The following FSTL4 variants were observed in gnomAD, a reference collection of about 807,000 sequenced individuals.
The protein encoded by FSTL4 is follistatin like 4, also known as follistatin-related protein 4.
A neutral mutation model predicts 78.2 loss-of-function variants in FSTL4; 28 were observed. The ratio of observed to expected loss-of-function variants is 0.36; its 90% CI spans 0.27 to 0.49. The LOEUF is 0.49. FSTL4 is among the 20% of genes least tolerant of loss of function. The pLI is 0.98. For missense variants in FSTL4, 922 were observed against 1,084.9 expected, an observed-to-expected ratio of 0.85 and a Z score of 2.11; for synonymous variants, 422 against 440.5, an observed-to-expected ratio of 0.96 and a Z score of 0.53.
At chr5:133,653,542 C>A in the FSTL4 span, among the ~76,000 whole-genome samples, 9 of 152,152 alleles carry the variant, frequency 5.9e-5, no homozygotes, top group African/African-American at 2.2e-4. Context: ...TCTGCATCTT[C>A]GGCAGGAAAT....
chr5:133,253,615 T>A (rs1324486448), intron 6 of FSTL4, among the ~76,000 whole-genome samples: 1 of 152,160 alleles, frequency 6.6e-6, no homozygotes, highest in Admixed American at 6.5e-5. Flanking sequence ...CAAGTCCCAC[T>A]AAGGCTTCCC....
At chr5:133,514,301 G>A (rs558590584) in intron 3 of FSTL4, among the ~76,000 whole-genome samples, 3 of 151,924 alleles carry the variant, frequency 2.0e-5, no homozygotes, top group African/African-American at 7.2e-5. Context: ...TGAATCAAAG[G>A]CTCGAGAGAA....
At chr5:133,431,127 C>G (rs2126995962) in intron 3 of FSTL4, among the ~76,000 whole-genome samples, 1 of 152,292 alleles carries the variant, frequency 6.6e-6, no homozygotes, top group Admixed American at 6.5e-5. Flanking sequence ...CCCCCATTCC[C>G]CCAGCAGACA....
chr5:133,589,286 T>TA (rs113649317), intron 2 of FSTL4, among the ~76,000 whole-genome samples: 47,836 of 80,328 alleles, frequency 0.6, 15,216 homozygotes, highest in South Asian at 0.72. Flanking sequence ...TAGAGTATAA[T>TA]AAAAAAAAAA....
intron 3 of FSTL4, among the ~76,000 whole-genome samples, chr5:133,530,426 A>G (rs1759227432): frequency 6.6e-6 from 1 of 152,236 alleles, no homozygotes; most frequent in African/African-American, 2.4e-5. Context: ...ACAATGGAGC[A>G]GTTCTCAGGG....
chr5:133,803,765 C>A, the FSTL4 span, among the ~76,000 whole-genome samples: 1 of 152,202 alleles, frequency 6.6e-6, no homozygotes, highest in Non-Finnish European at 1.5e-5. Context: ...GACCCTCATG[C>A]CAAACTGTCT....
chr5:133,370,358 C>T (rs1755267979), intron 4 of FSTL4, among the ~76,000 whole-genome samples: 1 of 152,054 alleles, frequency 6.6e-6, no homozygotes, highest in East Asian at 1.9e-4. Flanking sequence ...TGCCTGCAGG[C>T]CAGCCTCTCT....
At chr5:133,444,261 G>A (rs1026206987) in intron 3 of FSTL4, among the ~76,000 whole-genome samples, 1 of 152,164 alleles carries the variant, frequency 6.6e-6, no homozygotes, top group Non-Finnish European at 1.5e-5. Context: ...GGGAGGATTC[G>A]CCCTCCAGAC....
chr5:133,306,326 A>T (rs1753654742), intron 6 of FSTL4, among the ~76,000 whole-genome samples: 1 of 152,216 alleles, frequency 6.6e-6, no homozygotes, highest in Non-Finnish European at 1.5e-5. Flanking sequence ...TCCTCTGCAT[A>T]CGTGGCTGCC....
At chr5:133,818,152 C>T in the FSTL4 span, among the ~76,000 whole-genome samples, 1 of 152,218 alleles carries the variant, frequency 6.6e-6, no homozygotes, top group African/African-American at 2.4e-5. Context: ...GGGGATGAAT[C>T]ACATCTTACC....
At position 133,316,368 on chromosome 5, in the gene FSTL4, GA is replaced by G. The variant is rs1331550838; in HGVS notation, c.603+90del. The G allele has an allele frequency of 3.1e-6, 3 of 967,002 alleles. No individual in the cohort carries two copies. The African/African-American group carries it at 4.8e-5, about 16-fold the overall frequency. 59.9% of individuals were successfully genotyped at this position (967,002 alleles called of 1,614,324 possible). ...TTTGTGAGATGTTCTCAGAGGTATT[GA>G]ACACATGCTCTTAGACACCAGGGGG... is the stretch of plus-strand genomic sequence containing the variant. On this transcript the variant is annotated intron_variant, in intron 5 of 15. Transcript: ENST00000265342.
At chr5:133,464,562 C>T (rs1401299961) in intron 3 of FSTL4, among the ~76,000 whole-genome samples, 2 of 152,186 alleles carry the variant, frequency 1.3e-5, no homozygotes, top group African/African-American at 4.8e-5. Flanking sequence ...TCCTGTGGCA[C>T]AAGCAACTCT....
intron 3 of FSTL4, among the ~76,000 whole-genome samples, chr5:133,565,038 C>T (rs1552918): frequency 0.29 from 43,372 of 152,088 alleles, 6,276 homozygotes; most frequent in Admixed American, 0.36. Flanking sequence ...ATAAGGCAAA[C>T]CAAAACAGGA....
At chr5:133,217,138 A>G in intron 13 of FSTL4, 91 bp downstream of exon 13, 2 of 1,019,618 alleles carry the variant, frequency 2.0e-6, no homozygotes, top group East Asian at 2.4e-5. Context: ...CACCTGGCAC[A>G]GGAGCTGGGG....
intron 14 of FSTL4, among the ~76,000 whole-genome samples, chr5:133,206,045 TAC>T (rs1407280974): frequency 6.6e-6 from 1 of 152,236 alleles, no homozygotes; most frequent in Admixed American, 6.5e-5. Flanking sequence ...GAGATTAGTC[TAC>T]AGTTTTATTT....
intron 4 of FSTL4, among the ~76,000 whole-genome samples, chr5:133,325,557 C>T (rs534467666): frequency 6.6e-6 from 1 of 151,866 alleles, no homozygotes; most frequent in South Asian, 2.1e-4. Context: ...GGGAAGGGGG[C>T]GTGGACCTAG....
At chr5:133,571,063 C>T (rs1240788172) in intron 2 of FSTL4, among the ~76,000 whole-genome samples, 1 of 149,458 alleles carries the variant, frequency 6.7e-6, no homozygotes, top group African/African-American at 2.5e-5. Context: ...ACATAAAGGG[C>T]AAAAGGCTGA....
the FSTL4 span, among the ~76,000 whole-genome samples, chr5:133,715,758 C>T: frequency 6.6e-6 from 1 of 152,176 alleles, no homozygotes; most frequent in Non-Finnish European, 1.5e-5. Flanking sequence ...CCCTACTTCA[C>T]ATCGTGGAAT....
At chr5:133,299,936 C>T (rs1313816265) in intron 6 of FSTL4, among the ~76,000 whole-genome samples, 2 of 152,226 alleles carry the variant, frequency 1.3e-5, no homozygotes, top group Non-Finnish European at 2.9e-5. Flanking sequence ...CCAGGGCTGC[C>T]TTTAAGGTGT....
Sources: gnomAD v4.1 joint callset for allele counts (sites outside exome capture counted in the v4.1 genomes callset) on GRCh38, gnomAD v4.1.1 for gene constraint, MANE v1.5 for transcripts, NCBI Gene and HGNC (gene_info 2026-07-23, HGNC 2026-07-21) for gene names.